The following CHD1L variants were observed in gnomAD, a reference collection of about 807,000 sequenced individuals.
The protein encoded by CHD1L is ATP-dependent chromatin remodeler CHD1L.
CHD1L carries 118 observed loss-of-function variants against 115.9 expected under a neutral mutation model. That is an observed-to-expected ratio of 1.02 (90% CI 0.88 to 1.19). The LOEUF (loss-of-function observed/expected upper bound fraction) is 1.19, where lower values mean the gene tolerates loss of function less well. CHD1L is among the 50% of genes most tolerant of loss of function. The probability of loss-of-function intolerance (pLI) is 0.00; values close to 1 mark genes in which losing one functional copy is unlikely to be tolerated. For synonymous variants in CHD1L, 411 were observed against 387.1 expected (o/e 1.06, Z -0.72); for missense variants, 1,179 against 1,065.3 (o/e 1.11, Z -1.49).
intron 10 of CHD1L, among the ~76,000 whole-genome samples, chr1:147,269,080 A>G (rs1184887364): frequency 2.0e-5 from 3 of 151,928 alleles, no homozygotes; most frequent in African/African-American, 4.8e-5. Flanking sequence ...CGTTTCCTGA[A>G]TTTGTACAGC....
At chr1:147,201,244 G>A in the CHD1L span, 1 of 1,614,102 alleles carries the variant, frequency 6.2e-7, no homozygotes, top group Non-Finnish European at 8.5e-7. Context: ...TGCAAGAGTT[G>A]GCCTTTCCAG....
intron 11 of CHD1L, 32 bp downstream of exon 11, chr1:147,271,037 GCTCTGTTAGA>G (rs1553952671): frequency 6.4e-7 from 1 of 1,557,352 alleles, no homozygotes; most frequent in African/African-American, 1.4e-5. Flanking sequence ...ATTACCTAAG[GCTCTGTTAGA>G]CTTAACAGTC....
the CHD1L span, chr1:147,208,709 G>C: frequency 4.7e-6 from 3 of 640,972 alleles, no homozygotes; most frequent in Non-Finnish European, 8.2e-6. Flanking sequence ...AGAGTGCTGG[G>C]ATTACAGGCG....
intron 11 of CHD1L, among the ~76,000 whole-genome samples, chr1:147,271,543 G>A (rs147811442): frequency 5.5e-4 from 84 of 152,304 alleles, no homozygotes; most frequent in South Asian, 4.8e-3. Flanking sequence ...AGTTGATCTT[G>A]AGCCCAATGT....
the CHD1L span, among the ~76,000 whole-genome samples, chr1:147,193,242 G>A: frequency 1.3e-5 from 2 of 152,094 alleles, no homozygotes; most frequent in African/African-American, 4.8e-5. Context: ...TCTTGGGAGG[G>A]TGTATGTGTT....
At chr1:147,287,400 T>C (rs111555865) in intron 18 of CHD1L, among the ~76,000 whole-genome samples, 1 of 152,360 alleles carries the variant, frequency 6.6e-6, no homozygotes, top group African/African-American at 2.4e-5. Context: ...TTTTGCTCAT[T>C]GAGAACCCTA....
chr1:147,248,037 A>G (rs587719482), intron 1 of CHD1L, among the ~76,000 whole-genome samples: 3 of 152,332 alleles, frequency 2.0e-5, no homozygotes, highest in African/African-American at 7.2e-5. Context: ...CTTTTGCCAT[A>G]TAAGGTCACA....
chr1:147,252,803 T>A (rs1553937420), intron 2 of CHD1L, 68 bp downstream of exon 2: 1 of 1,290,180 alleles, frequency 7.8e-7, no homozygotes. Flanking sequence ...ATTCTGGAGC[T>A]GAGAGCTCTG....
chr1:147,264,683 C>A, intron 7 of CHD1L, 99 bp downstream of exon 7: 1 of 1,242,808 alleles, frequency 8.0e-7, no homozygotes, highest in South Asian at 1.5e-5. Flanking sequence ...AATTGATGAC[C>A]AGAGGACACC....
chr1:147,178,311 G>A, the CHD1L span: 2 of 1,612,880 alleles, frequency 1.2e-6, no homozygotes, highest in Non-Finnish European at 1.7e-6. Flanking sequence ...TTGCTCCTGA[G>A]TATGAAGCTG....
Position 147,255,793 on chromosome 1 carries a change from A to G in CHD1L, c.348-20A>G, listed in dbSNP as rs1267417451. The G allele has an allele frequency of 4.5e-6, 7 of 1,546,854 alleles. No individual in the cohort carries two copies. The highest frequency in any genetic ancestry group is 5.3e-6 in the Non-Finnish European group (6 of 1,125,412). On this transcript the variant is annotated intron_variant, in intron 3 of 22. Coordinates refer to ENST00000369258, the MANE Select transcript of CHD1L (RefSeq NM_004284.6). ...ATGGATCTAGTATTTATGTTTATCT[A>G]CTTCTTTTCTTGGATTCAGATTTGC...
At chr1:147,182,780 C>T in the CHD1L span, among the ~76,000 whole-genome samples, 1 of 152,148 alleles carries the variant, frequency 6.6e-6, no homozygotes, top group Non-Finnish European at 1.5e-5. Flanking sequence ...TCAAGGATGA[C>T]ATATATATAC....
At chr1:147,295,138 A>G (rs750374150) in intron 22 of CHD1L, among the ~76,000 whole-genome samples, 3 of 152,336 alleles carry the variant, frequency 2.0e-5, no homozygotes, top group Admixed American at 1.3e-4. Context: ...ATCTTTTTAC[A>G]TATTTGACTG....
upstream of CHD1L, chr1:147,242,620 C>A: frequency 1.6e-6 from 2 of 1,212,424 alleles, no homozygotes; most frequent in Non-Finnish European, 2.1e-6. Flanking sequence ...TGGGCCCCAG[C>A]GCGCAGTCGC....
chr1:147,225,232 C>T, the CHD1L span: 1 of 1,385,016 alleles, frequency 7.2e-7, no homozygotes, highest in Non-Finnish European at 9.4e-7. Flanking sequence ...ATGGGGGAGC[C>T]CTGCGCCTGC....
At chr1:147,178,173 C>T in the CHD1L span, 3 of 1,611,088 alleles carry the variant, frequency 1.9e-6, no homozygotes, top group Admixed American at 5.0e-5. Flanking sequence ...CCGCGGCCCG[C>T]CTCGCGGCTG....
the CHD1L span, among the ~76,000 whole-genome samples, chr1:147,219,036 A>G: frequency 6.6e-6 from 1 of 152,158 alleles, no homozygotes; most frequent in African/African-American, 2.4e-5. Context: ...CCTTCTTTAA[A>G]TCTCTATTAT....
upstream of CHD1L, among the ~76,000 whole-genome samples, chr1:147,241,833 A>G (rs1440701366): frequency 1.3e-5 from 2 of 152,206 alleles, no homozygotes; most frequent in Non-Finnish European, 2.9e-5. Context: ...CATTAGCCAG[A>G]GAATAATATC....
At chr1:147,237,987 C>A (rs1553930132), upstream of CHD1L, among the ~76,000 whole-genome samples, 1 of 152,164 alleles carries the variant, frequency 6.6e-6, no homozygotes, top group Non-Finnish European at 1.5e-5. Flanking sequence ...TGGCAATTCT[C>A]TGAGGTGACT....
Sources: allele counts gnomAD v4.1 joint callset (sites outside exome capture counted in the v4.1 genomes callset), GRCh38; gene constraint gnomAD v4.1.1; transcripts MANE v1.5; gene names NCBI Gene and HGNC (gene_info 2026-07-23, HGNC 2026-07-21).